Variants in GRM3 observed in about 807,000 individuals in gnomAD.
The protein encoded by GRM3 is metabotropic glutamate receptor 3.
Under a neutral mutation model 70.5 loss-of-function variants are expected in GRM3, and 26 were observed. The ratio of observed to expected loss-of-function variants is 0.37; its 90% CI spans 0.27 to 0.51. GRM3 has a LOEUF of 0.51. GRM3 is among the 20% of genes least tolerant of loss of function. The pLI is 0.93. For synonymous variants in GRM3, 443 were observed against 434.9 expected (o/e 1.02, Z -0.23); for missense variants, 859 against 1,123.8 (o/e 0.76, Z 3.37).
chr7:86,657,703 G>A (rs1468315178), intron 1 of GRM3, among the ~76,000 whole-genome samples: 1 of 152,176 alleles, frequency 6.6e-6, no homozygotes, highest in Non-Finnish European at 1.5e-5. Context: ...GGGAGGCAGA[G>A]AGATGAGTTG....
intron 1 of GRM3, among the ~76,000 whole-genome samples, chr7:86,735,357 A>G (rs930944560): frequency 3.9e-5 from 6 of 152,016 alleles, no homozygotes; most frequent in African/African-American, 1.5e-4. Context: ...TTGAAGTCAG[A>G]CAAAAAAAAA....
At chr7:86,808,455 C>G (rs75624314) in intron 3 of GRM3, among the ~76,000 whole-genome samples, 1 of 151,834 alleles carries the variant, frequency 6.6e-6, no homozygotes. Flanking sequence ...GAAGCGAAAC[C>G]TAGCAATGGC....
chr7:86,773,390 T>C (rs1796796379), intron 2 of GRM3, among the ~76,000 whole-genome samples: 1 of 151,922 alleles, frequency 6.6e-6, no homozygotes, highest in South Asian at 2.1e-4. Flanking sequence ...ACTTTCAACA[T>C]CTCCAGCCCA....
chr7:86,693,100 G>T (rs1204390083), intron 1 of GRM3, among the ~76,000 whole-genome samples: 1 of 152,166 alleles, frequency 6.6e-6, no homozygotes, highest in African/African-American at 2.4e-5. Flanking sequence ...TATAGAGGGT[G>T]AACACGGAAT....
At chr7:86,701,334 G>T (rs1221361377) in intron 1 of GRM3, among the ~76,000 whole-genome samples, 1 of 151,448 alleles carries the variant, frequency 6.6e-6, no homozygotes, top group East Asian at 1.9e-4. Flanking sequence ...ATAAATTTAG[G>T]GGTCTCAACA....
intron 1 of GRM3, among the ~76,000 whole-genome samples, chr7:86,689,106 A>G (rs1031482480): frequency 8.6e-5 from 13 of 151,400 alleles, no homozygotes; most frequent in Admixed American, 2.6e-4. Context: ...AAAGGGAACC[A>G]AGACATTAAA....
chr7:86,726,759 C>T (rs1199308385), intron 1 of GRM3, among the ~76,000 whole-genome samples: 1 of 152,218 alleles, frequency 6.6e-6, no homozygotes, highest in Non-Finnish European at 1.5e-5. Flanking sequence ...ACTTCGCATT[C>T]ACTGTTCAGC....
chr7:86,711,599 G>A (rs576170380), intron 1 of GRM3, among the ~76,000 whole-genome samples: 1 of 152,010 alleles, frequency 6.6e-6, no homozygotes, highest in Non-Finnish European at 1.5e-5. Context: ...GTCTCTATTG[G>A]TCTTCATCTG....
At chr7:86,805,471 G>T (rs1185303278) in intron 3 of GRM3, among the ~76,000 whole-genome samples, 2 of 152,020 alleles carry the variant, frequency 1.3e-5, no homozygotes, top group Non-Finnish European at 2.9e-5. Flanking sequence ...TTACATTAGG[G>T]TTCACTCTTT....
intron 1 of GRM3, among the ~76,000 whole-genome samples, chr7:86,657,767 G>C (rs1248838274): frequency 6.6e-6 from 1 of 152,138 alleles, no homozygotes; most frequent in African/African-American, 2.4e-5. Flanking sequence ...AACTAGGGCA[G>C]TGGCAATGGG....
At chr7:86,685,907 A>G (rs1385003335) in intron 1 of GRM3, among the ~76,000 whole-genome samples, 2 of 92,702 alleles carry the variant, frequency 2.2e-5, no homozygotes, top group Non-Finnish European at 4.4e-5. Flanking sequence ...CTCTGTCTCC[A>G]AAAAAAAAAA....
intron 2 of GRM3, among the ~76,000 whole-genome samples, chr7:86,781,040 T>G (rs941114113): frequency 6.6e-6 from 1 of 152,152 alleles, no homozygotes; most frequent in Non-Finnish European, 1.5e-5. Flanking sequence ...TTCCTACCAC[T>G]TATGGGTTCC....
chr7:86,670,937 T>C (rs1325709471), intron 1 of GRM3, among the ~76,000 whole-genome samples: 1 of 152,216 alleles, frequency 6.6e-6, no homozygotes, highest in East Asian at 1.9e-4. Context: ...AGGTATACTC[T>C]CTCCCATCAA....
At chr7:86,775,651 C>T (rs1275450222) in intron 2 of GRM3, among the ~76,000 whole-genome samples, 1 of 152,066 alleles carries the variant, frequency 6.6e-6, no homozygotes, top group African/African-American at 2.4e-5. Flanking sequence ...TTAGTGGTCT[C>T]ACCACCATCC....
chr7:86,706,494 G>A (rs1457312720), intron 1 of GRM3, among the ~76,000 whole-genome samples: 1 of 152,052 alleles, frequency 6.6e-6, no homozygotes, highest in Admixed American at 6.6e-5. Context: ...GTTGGTGTTA[G>A]TCAAAGCAGG....
intron 1 of GRM3, among the ~76,000 whole-genome samples, chr7:86,720,780 A>T (rs1343221799): frequency 6.6e-6 from 1 of 152,076 alleles, no homozygotes; most frequent in Non-Finnish European, 1.5e-5. Context: ...AATTTGTATG[A>T]AAGTGTTCAC....
intron 3 of GRM3, among the ~76,000 whole-genome samples, chr7:86,806,369 T>C (rs1797793483): frequency 6.6e-6 from 1 of 152,188 alleles, no homozygotes. Context: ...ACACCAACAG[T>C]GTAAAAGTGT....
chr7:86,853,583 T>C (rs891735602), intron 5 of GRM3, among the ~76,000 whole-genome samples: 1 of 152,220 alleles, frequency 6.6e-6, no homozygotes, highest in Non-Finnish European at 1.5e-5. Context: ...CCAGTGAGTA[T>C]AATGTTAGCA....
chr7:86,664,036 A>G (rs1248031897), intron 1 of GRM3, among the ~76,000 whole-genome samples: 1 of 151,994 alleles, frequency 6.6e-6, no homozygotes, highest in East Asian at 1.9e-4. Context: ...TGTGGCTTGG[A>G]ACCTTGAGAA....
Sources: gnomAD v4.1 joint callset for allele counts (sites outside exome capture counted in the v4.1 genomes callset) on GRCh38, gnomAD v4.1.1 for gene constraint, MANE v1.5 for transcripts, NCBI Gene and HGNC (gene_info 2026-07-23, HGNC 2026-07-21) for gene names.